CCL28: variants seen among roughly 807,000 people sequenced by gnomAD.
CCL28 encodes the protein C-C motif chemokine ligand 28, also known as C-C motif chemokine 28.
In CCL28, 4 loss-of-function variants were observed where a neutral mutation model predicts 7.1. The observed-to-expected ratio is 0.56, with a 90% confidence interval of 0.28 to 1.29. The LOEUF is 1.29. Among genes scored for constraint, CCL28 ranks in the 50% most tolerant of loss-of-function variants. The pLI, the probability that CCL28 is intolerant of heterozygous loss-of-function variation, is 0.11. For missense variants in CCL28, 151 were observed against 163.4 expected, an observed-to-expected ratio of 0.92 and a Z score of 0.41; for synonymous variants, 55 against 57.8, an observed-to-expected ratio of 0.95 and a Z score of 0.22.
the CCL28 span, among the ~76,000 whole-genome samples, chr5:43,368,142 A>AAT: frequency 6.6e-6 from 1 of 152,170 alleles, no homozygotes; most frequent in East Asian, 1.9e-4. Flanking sequence ...TTCCTTTTGT[A>AAT]ATACGTGGGA....
downstream of CCL28, chr5:43,379,127 A>G (rs1295073683): frequency 6.6e-6 from 1 of 152,216 alleles, no homozygotes; most frequent in Admixed American, 6.5e-5. Flanking sequence ...TTGCAGATCG[A>G]TCTAGTAAGA....
At chr5:43,397,620 T>C (rs1579740996) in intron 1 of CCL28, among the ~76,000 whole-genome samples, 1 of 152,308 alleles carries the variant, frequency 6.6e-6, no homozygotes, top group East Asian at 1.9e-4. Context: ...TGCAAAAAAG[T>C]CTATGATTAG....
intron 2 of CCL28, among the ~76,000 whole-genome samples, chr5:43,386,964 T>C (rs937977966): frequency 5.9e-5 from 9 of 152,212 alleles, no homozygotes; most frequent in Admixed American, 4.6e-4. Flanking sequence ...TGGTGCATAA[T>C]TGTTAATTCA....
At chr5:43,390,819 A>T (rs1351414162) in intron 1 of CCL28, among the ~76,000 whole-genome samples, 3 of 152,260 alleles carry the variant, frequency 2.0e-5, no homozygotes, top group Non-Finnish European at 4.4e-5. Context: ...GAAATCCTGC[A>T]GCAACTTTGT....
intron 1 of CCL28, among the ~76,000 whole-genome samples, chr5:43,403,746 A>G (rs1041226097): frequency 3.0e-4 from 46 of 152,234 alleles, no homozygotes; most frequent in Non-Finnish European, 5.7e-4. Flanking sequence ...CATGGCAAAG[A>G]AGTTAAAAAC....
At chr5:43,371,773 G>A (rs1374729655), downstream of CCL28, among the ~76,000 whole-genome samples, 1 of 152,150 alleles carries the variant, frequency 6.6e-6, no homozygotes, top group Non-Finnish European at 1.5e-5. Flanking sequence ...GTTTTAAGTC[G>A]CTAAGTTTTG....
intron 1 of CCL28, among the ~76,000 whole-genome samples, chr5:43,410,488 CT>C: frequency 6.6e-6 from 1 of 152,312 alleles, no homozygotes; most frequent in South Asian, 2.1e-4. Flanking sequence ...GGTCTCTCGG[CT>C]CCCTTCCTTA....
chr5:43,407,567 C>T (rs1741338504), intron 1 of CCL28, among the ~76,000 whole-genome samples: 1 of 152,230 alleles, frequency 6.6e-6, no homozygotes, highest in South Asian at 2.1e-4. Flanking sequence ...CAATACCATA[C>T]ATGCCATAGG....
At chr5:43,362,723 T>C in the CCL28 span, among the ~76,000 whole-genome samples, 1 of 152,216 alleles carries the variant, frequency 6.6e-6, no homozygotes, top group Non-Finnish European at 1.5e-5. Context: ...ATGGAGAAAT[T>C]GGCCTGATTT....
intron 1 of CCL28, among the ~76,000 whole-genome samples, chr5:43,390,792 A>G (rs1740539051): frequency 6.6e-6 from 1 of 152,226 alleles, no homozygotes; most frequent in Non-Finnish European, 1.5e-5. Flanking sequence ...GAGAATTGTC[A>G]AGAATATTTG....
At position 43,388,558 on chromosome 5, in the gene CCL28, A is replaced by G. The variant is rs184847734; in HGVS notation, c.65-82T>C. The G allele has an allele frequency of 1.5e-3, 2,016 of 1,387,210 alleles. 37 individuals are homozygous for G. The South Asian group carries it at 0.018, about 12-fold the overall frequency. The allele number at this position is 1,387,210 out of a possible 1,614,324, so 85.9% of individuals were successfully genotyped here. Reference sequence around the variant, plus strand: ...GGTTCTCATTTTAAAGATTTCAGAGAAACAATGTTAATCCACACAAACAAG... The same window carrying G: ...GGTTCTCATTTTAAAGATTTCAGAGGAACAATGTTAATCCACACAAACAAG... On this transcript the variant is annotated intron_variant, in intron 1 of 2. Coordinates refer to ENST00000361115, the MANE Select transcript of CCL28 (RefSeq NM_148672.3).
intron 1 of CCL28, among the ~76,000 whole-genome samples, chr5:43,405,728 A>T (rs1336166296): frequency 6.6e-6 from 1 of 152,216 alleles, no homozygotes; most frequent in Non-Finnish European, 1.5e-5. Context: ...TGAAAAGATC[A>T]ACAAAATTGA....
At chr5:43,371,542 C>G in the CCL28 span, among the ~76,000 whole-genome samples, 2 of 152,230 alleles carry the variant, frequency 1.3e-5, no homozygotes, top group Non-Finnish European at 2.9e-5. Context: ...TGAGAATACT[C>G]AGACAGCTCA....
intron 1 of CCL28, among the ~76,000 whole-genome samples, chr5:43,407,882 T>C (rs1224035281): frequency 1.2e-5 from 1 of 82,636 alleles, no homozygotes; most frequent in Non-Finnish European, 2.5e-5. Context: ...CAACAGACCA[T>C]GAAAAAATGC....
intron 1 of CCL28, among the ~76,000 whole-genome samples, chr5:43,405,505 G>A (rs1351691024): frequency 6.6e-6 from 1 of 152,066 alleles, no homozygotes; most frequent in Admixed American, 6.6e-5. Flanking sequence ...CAGTGTGTAG[G>A]GGGAAATTTA....
the CCL28 span, among the ~76,000 whole-genome samples, chr5:43,369,731 A>G: frequency 2.0e-5 from 3 of 152,086 alleles, no homozygotes; most frequent in Admixed American, 2.0e-4. Flanking sequence ...CCTGGCCTTG[A>G]TATATATTTT....
At chr5:43,382,416 C>G (rs987483415) in intron 2 of CCL28, among the ~76,000 whole-genome samples, 1 of 152,102 alleles carries the variant, frequency 6.6e-6, no homozygotes, top group Non-Finnish European at 1.5e-5. Context: ...CCAACAAAAC[C>G]AATTCATCCT....
At chr5:43,383,287 C>G (rs1343157951) in intron 2 of CCL28, among the ~76,000 whole-genome samples, 1 of 152,122 alleles carries the variant, frequency 6.6e-6, no homozygotes, top group African/African-American at 2.4e-5. Flanking sequence ...CCTGCTGGCT[C>G]TACATATATA....
chr5:43,388,458 G>T lies in CCL28; in HGVS notation c.83C>A (p.Ser28Tyr). The T allele has an allele frequency of 6.2e-7, 1 of 1,614,018 alleles. No homozygotes were observed. Among genetic ancestry groups the T allele is most frequent in the Middle Eastern group, 1.7e-4 (1 of 6,010 alleles). Residue 28 changes from serine to tyrosine, a missense_variant, in exon 2 of 3, where the codon TCC becomes TAC. Physicochemically the swap from Ser to Tyr is moderately radical, Grantham distance 144 (BLOSUM62 -2). Coordinates refer to ENST00000361115, the MANE Select transcript of CCL28 (RefSeq NM_148672.3). ...HASEAILPIASSCCTEVSHHI... is the reference protein window; with the variant it reads ...HASEAILPIAYSCCTEVSHHI... ...ATGTGAAACCTCCGTGCAACAGCTG[G>T]AGGCAATGGGAAGTATGGCTAAAAG...
Sources: allele counts gnomAD v4.1 joint callset (sites outside exome capture counted in the v4.1 genomes callset), GRCh38; gene constraint gnomAD v4.1.1; transcripts MANE v1.5; gene names NCBI Gene and HGNC (gene_info 2026-07-23, HGNC 2026-07-21).